The following ALPL variants were observed in gnomAD, a reference collection of about 807,000 sequenced individuals.
ALPL encodes the protein alkaline phosphatase, tissue-nonspecific isozyme.
Under a neutral mutation model 51.3 loss-of-function variants are expected in ALPL, and 42 were observed. That is an observed-to-expected ratio of 0.82 (90% CI 0.64 to 1.06). ALPL has a LOEUF of 1.06. Among genes scored for constraint, ALPL ranks in the 50% least tolerant of loss-of-function variants. The pLI is 0.00. For synonymous variants in ALPL, 279 were observed against 296.4 expected, an observed-to-expected ratio of 0.94 and a Z score of 0.60; for missense variants, 589 against 709.4, an observed-to-expected ratio of 0.83 and a Z score of 1.93.
At chr1:21,522,466 T>C (rs1476151269) in intron 1 of ALPL, among the ~76,000 whole-genome samples, 1 of 152,132 alleles carries the variant, frequency 6.6e-6, no homozygotes, top group Non-Finnish European at 1.5e-5. Flanking sequence ...CTCAGAGAGA[T>C]TATGTTCATG....
At chr1:21,528,636 C>G (rs1174096588) in intron 1 of ALPL, among the ~76,000 whole-genome samples, 2 of 151,866 alleles carry the variant, frequency 1.3e-5, no homozygotes, top group African/African-American at 4.8e-5. Context: ...AGACGTGAGC[C>G]TCCGCTCCCG....
At position 21,563,173 on chromosome 1, in the gene ALPL, G is replaced by A. The variant is rs1476072388; in HGVS notation, c.361G>A (p.Val121Met). 1.2e-6 allele frequency: 2 copies of A among 1,613,936 alleles called. No individual in the cohort carries two copies. Among genetic ancestry groups the A allele is most frequent in the Non-Finnish European group, 1.7e-6 (2 of 1,180,026 alleles). The part of the protein sequence containing the change: ...AGTATAYLCG[V>M]KANEGTVGVS... ...CACCGCCACCGCCTACCTGTGTGGG[G>A]TGAAGGCCAATGAGGGCACCGTGGG... The change falls in exon 5 of 12, where the codon GTG (valine) becomes ATG (methionine). Residue 121 changes from valine (V) to methionine (M), a missense_variant. Transcript: ENST00000374840.
chr1:21,576,576 A>G lies in ALPL; in HGVS notation c.1244A>G (p.Tyr415Cys). 6.2e-7 allele frequency: 1 copy of G among 1,613,934 alleles called. No homozygotes were observed. Among genetic ancestry groups the G allele is most frequent in the Non-Finnish European group, 8.5e-7 (1 of 1,179,910 alleles). Residue 415 changes from tyrosine to cysteine, a missense_variant, in exon 11 of 12, where the codon TAT (tyrosine) becomes TGT (cysteine). By Grantham distance (194) the Tyr-to-Cys change is radical. Transcript: ENST00000374840. ...AAGAAGCCCTTCACTGCCATCCTGT[A>G]TGGCAATGGGCCTGGCTACAAGGTG... ...TDKKPFTAIL[Y>C]GNGPGYKVVG... is the part of the protein sequence containing the mutation.
chr1:21,522,111 G>T (rs1007764861), intron 1 of ALPL, among the ~76,000 whole-genome samples: 2 of 144,238 alleles, frequency 1.4e-5, no homozygotes, highest in Non-Finnish European at 3.0e-5. Context: ...TCGCTCTGTC[G>T]CCCAGGCTGG....
chr1:21,575,901 C>T lies in ALPL; in HGVS notation c.1166C>T (p.Thr389Ile). The change falls in exon 10 of 12, where the codon ACC becomes ATC. Residue 389 changes from threonine (T) to isoleucine (I), a missense_variant. By Grantham distance (89) the Thr-to-Ile change is moderately conservative. Transcript: ENST00000374840. Reference sequence around the variant, plus strand: ...CACGTCTTCACATTTGGTGGATACACCCCCCGTGGCAACTCTATCTTTGGT... The same window carrying T: ...CACGTCTTCACATTTGGTGGATACATCCCCCGTGGCAACTCTATCTTTGGT... ...HSHVFTFGGYTPRGNSIFGLA... is the reference protein window; with the variant it reads ...HSHVFTFGGYIPRGNSIFGLA... 6.2e-7 allele frequency: 1 copy of T among 1,614,168 alleles called. No individual in the cohort carries two copies. Among genetic ancestry groups the T allele is most frequent in the Non-Finnish European group, 8.5e-7 (1 of 1,180,006 alleles).
chr1:21,527,748 C>A lies in ALPL; in HGVS notation c.-105+18231C>A, dbSNP rs572520482. Among the ~76,000 whole-genome samples the A allele has an allele frequency of 2.0e-5, 3 of 152,054 alleles. No homozygotes were observed. The East Asian group carries it at 5.8e-4, about 29-fold the overall frequency. ...TATTTTCAGTAGGGACAAGGTTTTA[C>A]CTTGTTGGCTAGGCTGGTCTCAAAC... On this transcript the variant is annotated intron_variant, in intron 1 of 11. Transcript: ENST00000374840.
intron 1 of ALPL, among the ~76,000 whole-genome samples, chr1:21,519,534 C>T (rs1262808541): frequency 2.0e-5 from 3 of 152,214 alleles, no homozygotes; most frequent in East Asian, 1.9e-4. Flanking sequence ...CAAGGGCTCA[C>T]GCATGTAATC....
rs960792736 is a variant in ALPL, at chr1:21,564,664, C to A, written c.648+448C>A. Among the ~76,000 whole-genome samples, 2 of 152,228 alleles carry A rather than the reference C, an allele frequency of 1.3e-5. No individual in the cohort carries two copies. Among genetic ancestry groups the A allele is most frequent in the Non-Finnish European group, 2.9e-5 (2 of 68,046 alleles). On this transcript the variant is annotated intron_variant, in intron 6 of 11. Transcript: ENST00000374840. This position sits in a 1 kb window ranked among gnomAD's most constrained non-coding sequence, Gnocchi z 5.8. ...GCTAGTGCCAGCTCTCGTGTTTAAACTTCCGAGTTCCAGACCTTGCCCTGC... is the reference window on the plus strand; with the variant it reads ...GCTAGTGCCAGCTCTCGTGTTTAAAATTCCGAGTTCCAGACCTTGCCCTGC...
In ALPL at chr1:21,561,197, C is replaced by T. The variant is rs746608270; in HGVS notation, c.282C>T (p.Phe94=). ...GGCTGGAGATGGACAAGTTCCCCTTCGTGGCCCTCTCCAAGGTGAGCCCCA... is the reference window on the plus strand; with the variant it reads ...GGCTGGAGATGGACAAGTTCCCCTTTGTGGCCCTCTCCAAGGTGAGCCCCA... ...ETRLEMDKFP[F]VALSKTYNTN... The change falls in exon 4 of 12, where the codon TTC becomes TTT. Residue 94 remains phenylalanine, a synonymous_variant. Transcript: ENST00000374840. The T allele has an allele frequency of 1.2e-5, 19 of 1,610,756 alleles. 1 individual carries two copies. Among genetic ancestry groups the T allele is most frequent in the South Asian group, 6.6e-5 (6 of 90,282 alleles).
chr1:21,571,394 C>T lies in ALPL; in HGVS notation c.862+1020C>T, dbSNP rs549594783. On this transcript the variant is annotated intron_variant, in intron 8 of 11. Coordinates refer to ENST00000374840, the MANE Select transcript of ALPL (RefSeq NM_000478.6). ...CTCAAAACTTAGGCCAGGTGCAGGC[C>T]GGGTGCAGTGGCTCATGCCTGTAAT... Among the ~76,000 whole-genome samples, 26 of 151,800 alleles carry T rather than the reference C, an allele frequency of 1.7e-4. 1 individual carries two copies. The South Asian group carries it at 4.8e-3, about 28-fold the overall frequency.
intron 1 of ALPL, among the ~76,000 whole-genome samples, chr1:21,511,175 A>C (rs1295504783): frequency 6.6e-6 from 1 of 152,242 alleles, no homozygotes; most frequent in Admixed American, 6.5e-5. Flanking sequence ...TGTTTGCATA[A>C]CAAAATTCTT....
chr1:21,571,781 G>C (rs1644653555), intron 8 of ALPL, among the ~76,000 whole-genome samples: 4 of 152,106 alleles, frequency 2.6e-5, no homozygotes, highest in Admixed American at 2.6e-4. Context: ...CTTGAGCCCA[G>C]GAGTTTGAGA....
intron 1 of ALPL, among the ~76,000 whole-genome samples, chr1:21,546,568 G>A (rs1272634087): frequency 6.6e-6 from 1 of 152,210 alleles, no homozygotes; most frequent in Non-Finnish European, 1.5e-5. Context: ...AGCAGAAAAG[G>A]CCCCTCCGTG....
intron 1 of ALPL, among the ~76,000 whole-genome samples, chr1:21,542,536 T>A (rs554829450): frequency 1.3e-5 from 2 of 152,070 alleles, no homozygotes; most frequent in Non-Finnish European, 2.9e-5. Flanking sequence ...GCTCAGAAAA[T>A]GACTTGTTAA....
chr1:21,527,013 T>TTTTCTTTTCTTTTCTTTTCTTTTC, intron 1 of ALPL, among the ~76,000 whole-genome samples: 1 of 64,798 alleles, frequency 1.5e-5, no homozygotes, highest in Non-Finnish European at 3.4e-5. Context: ...TATGTTATTC[T>TTTTCTTTTCTTTTCTTTTCTTTTC]TGTTCTTTTC....
chr1:21,541,413 C>A (rs1644182564), intron 1 of ALPL, among the ~76,000 whole-genome samples: 1 of 152,238 alleles, frequency 6.6e-6, no homozygotes, highest in Non-Finnish European at 1.5e-5. Flanking sequence ...AGAATCCAGG[C>A]AGCCTGGCTC....
chr1:21,568,385 GAGATATACAAGCAGT>G, intron 7 of ALPL, 138 bp downstream of exon 7: 3 of 1,166,930 alleles, frequency 2.6e-6, no homozygotes, highest in South Asian at 2.9e-5. Flanking sequence ...AATGGCCTAA[GAGATATACAAGCAGT>G]AGATAGTCAG....
chr1:21,566,062 C>T (rs1644560114), intron 6 of ALPL, among the ~76,000 whole-genome samples: 1 of 152,042 alleles, frequency 6.6e-6, no homozygotes, highest in African/African-American at 2.4e-5. Flanking sequence ...GGACCCGTGA[C>T]CTGGGGTCCC....
chr1:21,574,357 G>C (rs1364651913), intron 9 of ALPL: 1 of 261,802 alleles, frequency 3.8e-6, no homozygotes, highest in Non-Finnish European at 6.0e-6. Context: ...ACTTGGAACG[G>C]GGCCCAGTAA....
Sources: gnomAD v4.1 joint callset for allele counts (sites outside exome capture counted in the v4.1 genomes callset) on GRCh38, gnomAD v4.1.1 for gene constraint, Gnocchi (gnomAD v3.1) non-coding constraint, MANE v1.5 for transcripts, NCBI Gene and HGNC (gene_info 2026-07-23, HGNC 2026-07-21) for gene names.